RGS12: variants seen among roughly 807,000 people sequenced by gnomAD.
The protein encoded by RGS12 is regulator of G protein signaling 12.
RGS12 carries 66 observed loss-of-function variants against 120.1 expected under a neutral mutation model. The observed-to-expected ratio is 0.55, with a 90% CI of 0.45 to 0.67. The LOEUF (loss-of-function observed/expected upper bound fraction) is 0.67. Among genes scored for constraint, RGS12 ranks in the 30% least tolerant of loss-of-function variants. The pLI is 0.00. For missense variants in RGS12, 1,859 were observed against 1,957.7 expected (o/e 0.95, Z 0.95); for synonymous variants, 827 against 804.7 (o/e 1.03, Z -0.47).
chr4:3,428,224 C>T (rs1438421388), intron 15 of RGS12, 55 bp downstream of exon 15: 1 of 1,484,976 alleles, frequency 6.7e-7, no homozygotes, highest in Admixed American at 1.7e-5. Flanking sequence ...GTGGCCCCCG[C>T]CTGCCCTGCG....
At chr4:3,340,692 T>A (rs982216657) in intron 2 of RGS12, among the ~76,000 whole-genome samples, 1 of 152,204 alleles carries the variant, frequency 6.6e-6, no homozygotes, top group Non-Finnish European at 1.5e-5. Context: ...TCTTACAGGC[T>A]GATTTACAGA....
chr4:3,405,311 C>T (rs919658523), intron 4 of RGS12, among the ~76,000 whole-genome samples: 3 of 152,238 alleles, frequency 2.0e-5, no homozygotes, highest in African/African-American at 7.2e-5. Flanking sequence ...CGTCACCCAC[C>T]CTGCAGTAAA....
In RGS12 at chr4:3,317,235, T is replaced by C; in HGVS notation, c.1065T>C (p.Ile355=). ...TTAATCACAAGATCCACCAAGGCAT[T>C]GCTCGGCGGTTTGGGTTTGAGTGCA... The part of the protein sequence containing the change: ...DLFNHKIHQG[I]ARRFGFECTA... Residue 355 remains isoleucine, a synonymous_variant, in exon 2 of 18, where the codon ATT becomes ATC. Transcript: ENST00000336727. The C allele has an allele frequency of 6.2e-7, 1 of 1,614,152 alleles. No homozygotes were observed. The highest frequency in any genetic ancestry group is 2.2e-5 in the East Asian group (1 of 44,876).
At position 3,294,257 on chromosome 4, in the gene RGS12, C is replaced by T. The variant is rs559302521; in HGVS notation, c.-102+1158C>T. Among the ~76,000 whole-genome samples the T allele has an allele frequency of 4.6e-5, 7 of 152,346 alleles. No homozygotes were observed. In the East Asian group the frequency reaches 7.7e-4, roughly 17 times the overall value. On this transcript the variant is annotated intron_variant, in intron 1 of 17. Transcript: ENST00000336727. ...GCCGGCAAGGCCTGCACAGAAGGGG[C>T]GCTGGGGGGCCTTCCCAGGCAAGGC...
intron 1 of RGS12, among the ~76,000 whole-genome samples, chr4:3,293,633 C>T (rs1219223383): frequency 6.6e-6 from 1 of 152,190 alleles, no homozygotes; most frequent in Non-Finnish European, 1.5e-5. Flanking sequence ...CAGAGGGGTC[C>T]CAGAGCCGTG....
chr4:3,298,271 A>T (rs983179508), intron 1 of RGS12, among the ~76,000 whole-genome samples: 28 of 152,036 alleles, frequency 1.8e-4, no homozygotes, highest in African/African-American at 6.8e-4. Context: ...CTCTTTCTGG[A>T]ACTTTTATTT....
Position 3,422,858 on chromosome 4 carries a change from G to A in RGS12, c.3034-47G>A, listed in dbSNP as rs528324160. ...TGGGGCACGTGGGTCTGCGTTTGGG[G>A]GGCTGCCTGCTGTGCCCACGTTGAT... On this transcript the variant is annotated intron_variant, in intron 11 of 17. Coordinates refer to ENST00000336727, the MANE Select transcript of RGS12 (RefSeq NM_001394154.1). 2.2e-4 allele frequency: 336 copies of A among 1,545,520 alleles called. 4 individuals carry two copies. The South Asian group carries it at 3.4e-3, about 16-fold the overall frequency.
intron 1 of RGS12, among the ~76,000 whole-genome samples, chr4:3,311,659 A>G (rs11943410): frequency 0.017 from 2,619 of 152,282 alleles, 79 homozygotes; most frequent in African/African-American, 0.055. Context: ...GCACAAAATT[A>G]TCAAAAGTAC....
chr4:3,378,826 T>C lies in RGS12; in HGVS notation c.1999-7590T>C, dbSNP rs577708529. The stretch of plus-strand genomic sequence containing the variant: ...GTGGGAATGTAAATTGTACAGCCAT[T>C]GTGGAAAACAGCATGGAGGTTCCTT... On this transcript the variant is annotated intron_variant, in intron 3 of 17. Transcript: ENST00000336727. 7.2e-5 allele frequency among the ~76,000 whole-genome samples: 11 copies of C among 152,356 alleles called. No homozygotes were observed. In the South Asian group the frequency reaches 2.3e-3, roughly 32 times the overall value.
intron 3 of RGS12, among the ~76,000 whole-genome samples, chr4:3,349,430 T>C (rs1714145412): frequency 6.6e-6 from 1 of 152,216 alleles, no homozygotes; most frequent in African/African-American, 2.4e-5. Context: ...TACATCTACA[T>C]ACCTATAACT....
intron 15 of RGS12, 49 bp downstream of exon 15, chr4:3,428,218 C>T (rs1577099024): frequency 6.7e-7 from 1 of 1,491,316 alleles, no homozygotes; most frequent in Non-Finnish European, 9.4e-7. Flanking sequence ...CTCGCTGTGG[C>T]CCCCGCCTGC....
chr4:3,294,470 G>A (rs1174629504), intron 1 of RGS12, among the ~76,000 whole-genome samples: 3 of 152,368 alleles, frequency 2.0e-5, no homozygotes, highest in African/African-American at 4.8e-5. Context: ...GTCACAGTGC[G>A]AAGTTTCTTC....
chr4:3,358,323 A>T (rs977032373), intron 3 of RGS12, among the ~76,000 whole-genome samples: 15 of 152,030 alleles, frequency 9.9e-5, no homozygotes, highest in Admixed American at 9.8e-4. Context: ...GGGGCCTTTC[A>T]TTTCTTTTTT....
At chr4:3,407,864 T>C (rs1410320126) in intron 4 of RGS12, among the ~76,000 whole-genome samples, 1 of 152,238 alleles carries the variant, frequency 6.6e-6, no homozygotes, top group African/African-American at 2.4e-5. Context: ...AACCTACATG[T>C]TTGACCCACC....
chr4:3,436,858 C>A (rs553106043), intron 17 of RGS12, among the ~76,000 whole-genome samples: 4 of 152,038 alleles, frequency 2.6e-5, no homozygotes, highest in Non-Finnish European at 2.9e-5. Flanking sequence ...CAGTCGGAGC[C>A]GGCAGGACCA....
chr4:3,400,202 T>C (rs1720437114), intron 4 of RGS12, among the ~76,000 whole-genome samples: 1 of 152,256 alleles, frequency 6.6e-6, no homozygotes, highest in African/African-American at 2.4e-5. Context: ...GAAAATTGAA[T>C]TATTGGCCAG....
rs780069962 is a variant in RGS12 at position 3,317,535 on chromosome 4, C to T, written c.1365C>T (p.Ser455=). 3.2e-5 allele frequency: 51 copies of T among 1,610,500 alleles called. No individual in the cohort carries two copies. In the African/African-American group the frequency reaches 3.3e-4, roughly 11 times the overall value. ...GSSSRHGPGG[S]AWDGVGGRGA... ...CGAGCAGACACGGCCCCGGAGGCAGCGCGTGGGACGGTGTGGGTGGGAGGG... is the reference window on the plus strand; with the variant it reads ...CGAGCAGACACGGCCCCGGAGGCAGTGCGTGGGACGGTGTGGGTGGGAGGG... Residue 455 remains serine, a synonymous_variant, in exon 2 of 18, where the codon AGC becomes AGT. Coordinates refer to ENST00000336727, the MANE Select transcript of RGS12 (RefSeq NM_001394154.1).
chr4:3,318,705 G>T (rs1724975967), intron 2 of RGS12, among the ~76,000 whole-genome samples: 1 of 152,218 alleles, frequency 6.6e-6, no homozygotes, highest in Non-Finnish European at 1.5e-5. Flanking sequence ...AAGAGTAAAT[G>T]AGCAAAGCTG....
intron 14 of RGS12, 32 bp downstream of exon 14, chr4:3,425,592 G>T (rs1343665374): frequency 1.9e-6 from 3 of 1,564,470 alleles, no homozygotes; most frequent in South Asian, 2.2e-5. Flanking sequence ...GATGGGGAGA[G>T]GGTGAGTGGG....
Sources: gnomAD v4.1 joint callset for allele counts (sites outside exome capture counted in the v4.1 genomes callset) on GRCh38, gnomAD v4.1.1 for gene constraint, MANE v1.5 for transcripts, NCBI Gene and HGNC (gene_info 2026-07-23, HGNC 2026-07-21) for gene names.